SMAD2: variants seen among roughly 807,000 people sequenced by gnomAD.
SMAD2 encodes the protein SMAD family member 2, also known as MAD homolog 2.
In SMAD2, 8 loss-of-function variants were observed where a neutral mutation model predicts 64.4. The observed-to-expected ratio is 0.12, with a 90% CI of 0.07 to 0.22. SMAD2 has a LOEUF of 0.22. SMAD2 is among the 10% of genes least tolerant of loss of function. The pLI, the probability that SMAD2 is intolerant of heterozygous loss-of-function variation, is 1.00. For synonymous variants in SMAD2, 203 were observed against 195.8 expected (o/e 1.04, Z -0.31); for missense variants, 289 against 561.2 (o/e 0.51, Z 4.90).
chr18:47,908,492 T>A (rs998414703), intron 1 of SMAD2, among the ~76,000 whole-genome samples: 1 of 152,014 alleles, frequency 6.6e-6, no homozygotes, highest in African/African-American at 2.4e-5. Flanking sequence ...GAAAAAGGTA[T>A]GTTATAAAGC....
chr18:47,812,601 C>G lies in SMAD2; in HGVS notation c.*29226G>C, dbSNP rs1460148780. On this transcript the variant is annotated 3_prime_UTR_variant, in exon 11 of 11. Coordinates refer to ENST00000262160, the MANE Select transcript of SMAD2 (RefSeq NM_005901.6). The stretch of plus-strand genomic sequence containing the variant: ...TATCATGAGAACAGCATGGGAGAAC[C>G]ACCCCCATAATACAATTACTTCCTT... 1 of 152,108 alleles carries G rather than the reference C, an allele frequency of 6.6e-6. No homozygotes were observed. Among genetic ancestry groups the G allele is most frequent in the African/African-American group, 2.4e-5 (1 of 41,410 alleles). The allele number at this position is 152,108 out of a possible 1,614,324, so 9.4% of individuals were successfully genotyped here. A position where few individuals can be genotyped will look rare whatever the true frequency, so the allele number is the denominator to read the frequency against.
At chr18:47,883,938 G>C (rs2032751076) in intron 2 of SMAD2, among the ~76,000 whole-genome samples, 2 of 152,156 alleles carry the variant, frequency 1.3e-5, no homozygotes, top group African/African-American at 4.8e-5. Flanking sequence ...ATCTGGGCAA[G>C]CTGGTAAGAA....
At chr18:47,889,052 A>G (rs974444658) in intron 2 of SMAD2, among the ~76,000 whole-genome samples, 1 of 152,196 alleles carries the variant, frequency 6.6e-6, no homozygotes. Flanking sequence ...CAGCACAAAA[A>G]CAGGATCAGT....
intron 2 of SMAD2, 125 bp downstream of exon 2, chr18:47,896,396 G>A (rs2033440439): frequency 3.1e-6 from 3 of 964,346 alleles, no homozygotes; most frequent in Admixed American, 4.1e-5. Flanking sequence ...ATTTATACAA[G>A]GTTAAAAACA....
chr18:47,894,665 G>A (rs2033354833), intron 2 of SMAD2, among the ~76,000 whole-genome samples: 1 of 152,238 alleles, frequency 6.6e-6, no homozygotes, highest in South Asian at 2.1e-4. Flanking sequence ...GCCTCCTCTG[G>A]ATATAGCCCC....
rs571779000 is a variant in SMAD2, at chr18:47,883,727, C to G, written c.236+12794G>C. On this transcript the variant is annotated intron_variant, in intron 2 of 10. Coordinates refer to ENST00000262160, the MANE Select transcript of SMAD2 (RefSeq NM_005901.6). ...TTACAATCTTCTCTGTTGCTGATCA[C>G]CTGTCATTTGTATGCTGCGTGCCAT... 5.1e-4 allele frequency among the ~76,000 whole-genome samples: 78 copies of G among 152,158 alleles called. 4 individuals are homozygous for G. The highest frequency in any genetic ancestry group is 1.5e-5 in the Non-Finnish European group (1 of 68,030).
chr18:47,888,608 C>G (rs1315392534), intron 2 of SMAD2, among the ~76,000 whole-genome samples: 1 of 152,168 alleles, frequency 6.6e-6, no homozygotes, highest in African/African-American at 2.4e-5. Context: ...CAGTGGCAGA[C>G]TAAACCAAAT....
chr18:47,917,942 G>A (rs1024310414), intron 1 of SMAD2, among the ~76,000 whole-genome samples: 3 of 152,150 alleles, frequency 2.0e-5, no homozygotes, highest in Non-Finnish European at 4.4e-5. Flanking sequence ...CTGGAAAATG[G>A]GTGAGCAGTA....
In SMAD2 at chr18:47,822,102, T is replaced by C. The variant is rs74892294; in HGVS notation, c.*19725A>G. 6.6e-6 allele frequency: 1 copy of C among 152,340 alleles called. No individual in the cohort carries two copies. Among genetic ancestry groups the C allele is most frequent in the Non-Finnish European group, 1.5e-5 (1 of 68,020 alleles). 9.4% of individuals were successfully genotyped at this position (152,340 alleles called of 1,614,324 possible). A position where few individuals can be genotyped will look rare whatever the true frequency, so the allele number is the denominator to read the frequency against. ...TCTAATGATGTAATACTAGACACAG[T>C]TACATTTATGAGTATGTTATTGATA... On this transcript the variant is annotated 3_prime_UTR_variant, in exon 11 of 11. Coordinates refer to ENST00000262160, the MANE Select transcript of SMAD2 (RefSeq NM_005901.6).
intron 1 of SMAD2, among the ~76,000 whole-genome samples, chr18:47,898,992 G>C (rs1368959620): frequency 1.3e-5 from 2 of 152,172 alleles, no homozygotes; most frequent in East Asian, 3.9e-4. Context: ...GGACGGGTAG[G>C]ACAAAAGAAA....
chr18:47,888,251 T>A, intron 2 of SMAD2, among the ~76,000 whole-genome samples: 1 of 151,108 alleles, frequency 6.6e-6, no homozygotes, highest in East Asian at 1.9e-4. Context: ...ACTAATGAGA[T>A]CCAGATGAAC....
chr18:47,850,465 TA>T, intron 7 of SMAD2, among the ~76,000 whole-genome samples: 1 of 23,022 alleles, frequency 4.3e-5, no homozygotes, highest in African/African-American at 1.9e-4. Context: ...ATATTATACA[TA>T]ATATATATTA....
chr18:47,907,473 T>G (rs932103614), intron 1 of SMAD2, among the ~76,000 whole-genome samples: 1 of 152,204 alleles, frequency 6.6e-6, no homozygotes, highest in Non-Finnish European at 1.5e-5. Context: ...CAAGTCAAGA[T>G]GACCATCTCA....
intron 5 of SMAD2, among the ~76,000 whole-genome samples, chr18:47,866,589 T>C (rs2031578302): frequency 6.6e-6 from 1 of 152,178 alleles, no homozygotes; most frequent in Non-Finnish European, 1.5e-5. Context: ...TTTTTGAGTT[T>C]AACCTGTATT....
chr18:47,927,475 T>C (rs933576350), intron 1 of SMAD2, among the ~76,000 whole-genome samples: 2 of 152,234 alleles, frequency 1.3e-5, no homozygotes, highest in Non-Finnish European at 2.9e-5. Context: ...GGACATGAGT[T>C]TCCACTTTTC....
chr18:47,848,822 A>G, intron 7 of SMAD2, 135 bp from the exon 8 acceptor site: 1 of 674,730 alleles, frequency 1.5e-6, no homozygotes, highest in Non-Finnish European at 2.6e-6. Flanking sequence ...AAGTAGACAT[A>G]GTATCTGTAT....
chr18:47,818,722 T>C lies in SMAD2; in HGVS notation c.*23105A>G, dbSNP rs1197359235. On this transcript the variant is annotated 3_prime_UTR_variant, in exon 11 of 11. Transcript: ENST00000262160. ...ATTTAAATATTAACATTAAACTCAT[T>C]TGAAACTGAAAAAAGGGAAAAAAGG... 1 of 152,196 alleles carries C rather than the reference T, an allele frequency of 6.6e-6. No homozygotes were observed. The highest frequency in any genetic ancestry group is 6.5e-5 in the Admixed American group (1 of 15,272). 9.4% of individuals were successfully genotyped at this position (152,196 alleles called of 1,614,324 possible). A position where few individuals can be genotyped will look rare whatever the true frequency, so the allele number is the denominator to read the frequency against.
At chr18:47,852,989 A>G (rs1205618674) in intron 6 of SMAD2, among the ~76,000 whole-genome samples, 1 of 152,190 alleles carries the variant, frequency 6.6e-6, no homozygotes, top group Non-Finnish European at 1.5e-5. Context: ...AGTTACCTAA[A>G]AGAGCATGAC....
Position 47,830,248 on chromosome 18 carries a change from A to G in SMAD2, c.*11579T>C, listed in dbSNP as rs1398906365. 6.6e-6 allele frequency: 1 copy of G among 152,156 alleles called. No individual in the cohort carries two copies. Among genetic ancestry groups the G allele is most frequent in the Admixed American group, 6.5e-5 (1 of 15,272 alleles). 9.4% of individuals were successfully genotyped at this position (152,156 alleles called of 1,614,324 possible). On this transcript the variant is annotated 3_prime_UTR_variant, in exon 11 of 11. Coordinates refer to ENST00000262160, the MANE Select transcript of SMAD2 (RefSeq NM_005901.6). ...AAAGAGCAACCTAGACATTCCTATA[A>G]AACATTTTTATTCCAGGTGGTAAGC...
Sources: gnomAD v4.1 joint callset for allele counts (sites outside exome capture counted in the v4.1 genomes callset) on GRCh38, gnomAD v4.1.1 for gene constraint, MANE v1.5 for transcripts, NCBI Gene and HGNC (gene_info 2026-07-23, HGNC 2026-07-21) for gene names.